The following SPTLC3 variants were observed in gnomAD, a reference collection of about 807,000 sequenced individuals.
SPTLC3 encodes the protein serine palmitoyltransferase 3.
SPTLC3 carries 36 observed loss-of-function variants against 59.3 expected under a neutral mutation model. That is an observed-to-expected ratio of 0.61 (90% confidence interval 0.47 to 0.80). The LOEUF (loss-of-function observed/expected upper bound fraction) is 0.80, where lower values mean the gene tolerates loss of function less well. Ranked by LOEUF, SPTLC3 falls within the 30% of genes least tolerant of loss-of-function variation. SPTLC3 has a pLI of 0.00. For missense variants in SPTLC3, 625 were observed against 685.1 expected (o/e 0.91, Z 0.98); for synonymous variants, 257 against 240.8 (o/e 1.07, Z -0.62).
chr20:13,068,800 G>C (rs1040298756), intron 2 of SPTLC3, among the ~76,000 whole-genome samples: 2 of 151,136 alleles, frequency 1.3e-5, no homozygotes, highest in African/African-American at 2.4e-5. Flanking sequence ...TTTTGCAGGG[G>C]AGTTGCAAGT....
chr20:13,048,931 T>C lies in SPTLC3; in HGVS notation c.118-14T>C, dbSNP rs766647187. On this transcript the variant is annotated splice_polypyrimidine_tract_variant and intron_variant, in intron 1 of 11. Transcript: ENST00000399002. Reference sequence around the variant, plus strand: ...AGGAGAATGCTAACCTTGGATTTTCTTTTGTGTTTTCAGCAAAATGGGAAG... The same window carrying C: ...AGGAGAATGCTAACCTTGGATTTTCCTTTGTGTTTTCAGCAAAATGGGAAG... 1 of 1,537,400 alleles carries C rather than the reference T, an allele frequency of 6.5e-7. No homozygotes were observed. The highest frequency in any genetic ancestry group is 2.2e-5 in the Admixed American group (1 of 45,670).
chr20:13,065,372 T>C (rs6041829), intron 2 of SPTLC3, among the ~76,000 whole-genome samples: 61,242 of 150,190 alleles, frequency 0.41, 12,579 homozygotes, highest in Middle Eastern at 0.56. Context: ...GCTTTTTACC[T>C]TATATTCTAG....
At chr20:13,109,704 G>C (rs1309690960) in intron 6 of SPTLC3, among the ~76,000 whole-genome samples, 5 of 152,190 alleles carry the variant, frequency 3.3e-5, no homozygotes, top group African/African-American at 1.2e-4. Context: ...TGCAAACTCA[G>C]CTAAACTCTA....
intron 9 of SPTLC3, among the ~76,000 whole-genome samples, chr20:13,149,313 A>G (rs147888785): frequency 1.8e-3 from 275 of 152,336 alleles, no homozygotes; most frequent in Middle Eastern, 6.8e-3. Context: ...CCATCCTAGC[A>G]TGGCTGTCCC....
intron 8 of SPTLC3, among the ~76,000 whole-genome samples, chr20:13,124,274 G>A (rs563099452): frequency 6.6e-6 from 1 of 152,024 alleles, no homozygotes; most frequent in African/African-American, 2.4e-5. Flanking sequence ...GACAGAGAAG[G>A]TTATTGGTAT....
intron 3 of SPTLC3, among the ~76,000 whole-genome samples, chr20:13,073,307 T>C (rs1210449357): frequency 6.6e-6 from 1 of 152,202 alleles, no homozygotes; most frequent in Admixed American, 6.5e-5. Flanking sequence ...AATGTGATAT[T>C]TGACTGCTGT....
At chr20:13,111,956 C>T (rs1316769802) in intron 7 of SPTLC3, among the ~76,000 whole-genome samples, 1 of 152,192 alleles carries the variant, frequency 6.6e-6, no homozygotes, top group Non-Finnish European at 1.5e-5. Flanking sequence ...GCGCCTGCAT[C>T]CCACCACTTC....
chr20:13,050,231 A>G (rs1289600523), intron 2 of SPTLC3: 1 of 152,236 alleles, frequency 6.6e-6, no homozygotes, highest in South Asian at 2.1e-4. Context: ...GATGGCTTAA[A>G]GTAAAAACAA....
chr20:13,074,490 T>A lies in SPTLC3; in HGVS notation c.600T>A (p.His200Gln). The change falls in exon 4 of 12, where the codon CAT (histidine) becomes CAA (glutamine). Residue 200 changes from histidine (H) to glutamine (Q), a missense_variant. Coordinates refer to ENST00000399002, the MANE Select transcript of SPTLC3 (RefSeq NM_018327.4). ...VYGTGVASTR[H>Q]EMGTLDKHKE... ...GCACAGGCGTGGCCAGCACCAGGCATGAAATGGGTATGTACATTCACTGTT... is the reference window on the plus strand; with the variant it reads ...GCACAGGCGTGGCCAGCACCAGGCAAGAAATGGGTATGTACATTCACTGTT... 6.2e-7 allele frequency: 1 copy of A among 1,613,316 alleles called. No homozygotes were observed. Among genetic ancestry groups the A allele is most frequent in the Non-Finnish European group, 8.5e-7 (1 of 1,179,562 alleles).
chr20:13,150,215 T>C (rs112287061), intron 9 of SPTLC3, among the ~76,000 whole-genome samples: 2,812 of 152,320 alleles, frequency 0.018, 53 homozygotes, highest in South Asian at 0.03. Flanking sequence ...GTATGGGTGA[T>C]TTTTCTTAAG....
At chr20:13,095,161 G>A (rs1022136091) in intron 6 of SPTLC3, among the ~76,000 whole-genome samples, 2 of 152,176 alleles carry the variant, frequency 1.3e-5, no homozygotes, top group African/African-American at 2.4e-5. Flanking sequence ...TGATTCTTCA[G>A]CATGACAGAT....
chr20:13,137,884 T>G (rs2038286557), intron 9 of SPTLC3, among the ~76,000 whole-genome samples: 2 of 152,092 alleles, frequency 1.3e-5, no homozygotes, highest in South Asian at 4.1e-4. Context: ...GGCTCCTGAC[T>G]CCAAACATAG....
intron 8 of SPTLC3, among the ~76,000 whole-genome samples, chr20:13,126,317 T>A (rs113770171): frequency 7.0e-4 from 106 of 152,336 alleles, no homozygotes; most frequent in African/African-American, 2.5e-3. Context: ...GGAATCATTT[T>A]TTCTTCACAC....
chr20:13,149,343 C>A (rs2038591666), intron 9 of SPTLC3, among the ~76,000 whole-genome samples: 1 of 152,184 alleles, frequency 6.6e-6, no homozygotes, highest in Non-Finnish European at 1.5e-5. Context: ...GGACATGCAC[C>A]AAATATTGCT....
At chr20:13,123,488 C>T (rs944757259) in intron 8 of SPTLC3, among the ~76,000 whole-genome samples, 4 of 152,130 alleles carry the variant, frequency 2.6e-5, no homozygotes, top group African/African-American at 7.2e-5. Context: ...CCAACTAAGG[C>T]ACAGAGAGAT....
At chr20:13,029,721 C>T (rs561120579) in intron 1 of SPTLC3, among the ~76,000 whole-genome samples, 1 of 152,246 alleles carries the variant, frequency 6.6e-6, no homozygotes, top group South Asian at 2.1e-4. Flanking sequence ...CAAAAGATCT[C>T]AGCCAGGGAA....
intron 4 of SPTLC3, 39 bp from the exon 5 acceptor site, chr20:13,091,044 A>G (rs760867812): frequency 3.7e-6 from 6 of 1,608,570 alleles, no homozygotes; most frequent in Non-Finnish European, 5.1e-6. Context: ...GGCCTTGTTG[A>G]AAAGAGAAGG....
chr20:13,017,526 G>A (rs561395619), intron 1 of SPTLC3, among the ~76,000 whole-genome samples: 64 of 152,294 alleles, frequency 4.2e-4, no homozygotes, highest in Non-Finnish European at 6.9e-4. Context: ...CAAGCTTGTC[G>A]ACATGTGGCC....
At chr20:13,099,458 T>C (rs901181020) in intron 6 of SPTLC3, among the ~76,000 whole-genome samples, 1 of 152,210 alleles carries the variant, frequency 6.6e-6, no homozygotes, top group African/African-American at 2.4e-5. Flanking sequence ...GTATTCTAAC[T>C]TCTTACAGCA....
Sources: gnomAD v4.1 joint callset for allele counts (sites outside exome capture counted in the v4.1 genomes callset) on GRCh38, gnomAD v4.1.1 for gene constraint, MANE v1.5 for transcripts, NCBI Gene and HGNC (gene_info 2026-07-23, HGNC 2026-07-21) for gene names.